GFI1: variants seen among roughly 807,000 people sequenced by gnomAD.
GFI1 encodes the protein growth factor independent 1 transcriptional repressor.
GFI1 carries 15 observed loss-of-function variants against 39.2 expected under a neutral mutation model. That is an observed-to-expected ratio of 0.38 (90% CI 0.26 to 0.59). The LOEUF (loss-of-function observed/expected upper bound fraction) is 0.59, where lower values mean the gene tolerates loss of function less well. GFI1 is among the 20% of genes least tolerant of loss of function. GFI1 has a pLI of 0.62. For missense variants in GFI1, 475 were observed against 574.0 expected (o/e 0.83, Z 1.76); for synonymous variants, 239 against 254.3 (o/e 0.94, Z 0.57).
At position 92,473,107 on chromosome 1, in the gene GFI1, ATT is replaced by A. The variant is rs1657804019; in HGVS notation, c.*2920_*2921del. 6.6e-6 allele frequency among the ~76,000 whole-genome samples: 1 copy of A among 151,628 alleles called. No individual in the cohort carries two copies. Among genetic ancestry groups the A allele is most frequent in the Admixed American group, 6.6e-5 (1 of 15,194 alleles). ...TAAGAGAGATATTTGCAATCTTCAA[ATT>A]TCACACGGTAACAGGCACAGTAATT... is the stretch of plus-strand genomic sequence containing the variant. On this transcript the variant is annotated 3_prime_UTR_variant, in exon 7 of 7. Transcript: ENST00000294702.
Position 92,483,190 on chromosome 1 carries a change from A to C in GFI1, c.116-144T>G, listed in dbSNP as rs1290455933. On this transcript the variant is annotated intron_variant, in intron 2 of 6. Coordinates refer to ENST00000294702, the MANE Select transcript of GFI1 (RefSeq NM_005263.5). ...CCGGCCGGGAACCCTCTCGGATCCG[A>C]GGGCAGGCGCAGAGAGGCCATGGCA... The C allele has an allele frequency of 3.9e-5, 33 of 835,938 alleles. No homozygotes were observed. In the East Asian group the frequency reaches 8.5e-4, roughly 22 times the overall value. The allele number at this position is 835,938 out of a possible 1,614,324, so 51.8% of individuals were successfully genotyped here. A position where few individuals can be genotyped will look rare whatever the true frequency, so the allele number is the denominator to read the frequency against.
intron 1 of GFI1, among the ~76,000 whole-genome samples, chr1:92,485,426 C>G (rs1436616972): frequency 1.3e-5 from 2 of 152,236 alleles, no homozygotes; most frequent in African/African-American, 4.8e-5. Flanking sequence ...ACTGTCAGCG[C>G]CGGAGCTGGG....
At chr1:92,478,976 G>A (rs1001017647) in intron 5 of GFI1, among the ~76,000 whole-genome samples, 2 of 151,972 alleles carry the variant, frequency 1.3e-5, no homozygotes, top group African/African-American at 2.4e-5. Flanking sequence ...AGCAATTCTC[G>A]TGTCTCAGCC....
Position 92,484,051 on chromosome 1 carries a change from C to T in GFI1, c.-99-465G>A. The T allele has an allele frequency of 5.2e-6, 1 of 191,388 alleles. No homozygotes were observed. The highest frequency in any genetic ancestry group is 1.1e-5 in the Non-Finnish European group (1 of 90,966). The allele number at this position is 191,388 out of a possible 1,614,324, so 11.9% of individuals were successfully genotyped here. ...CGGGGATGCCCAGTGGTCGAGGACC[C>T]GGAAGGGGCAAGGAGCCAAGACCTC... On this transcript the variant is annotated intron_variant, in intron 1 of 6. Coordinates refer to ENST00000294702, the MANE Select transcript of GFI1 (RefSeq NM_005263.5). The surrounding 1 kb of genome is among the most constrained non-coding windows in gnomAD (Gnocchi z 4.1).
In GFI1 at chr1:92,480,435, G is replaced by T; in HGVS notation, c.837C>A (p.Ser279Arg). ...GLEVHVRRSH[S>R]GTRPFACEMC... ...TCTCGCAGGCAAAGGGTCTGGTACC[G>T]CTGTGGGACCTGCGCACGTGCACCT... Residue 279 changes from serine to arginine, a missense_variant, in exon 5 of 7, where the codon AGC becomes AGA. Ser to Arg is a moderately radical substitution (Grantham distance 110). This residue lies in a region of GFI1 where 112 missense variants were observed against 202.8 expected (regional missense o/e 0.55). Coordinates refer to ENST00000294702, the MANE Select transcript of GFI1 (RefSeq NM_005263.5). The surrounding 1 kb of genome is among the most constrained non-coding windows in gnomAD (Gnocchi z 5.6). 1 of 1,550,382 alleles carries T rather than the reference G, an allele frequency of 6.5e-7. No individual in the cohort carries two copies. The highest frequency in any genetic ancestry group is 8.7e-7 in the Non-Finnish European group (1 of 1,146,628).
Position 92,484,051 on chromosome 1 carries a change from C to A in GFI1, c.-99-465G>T. ...CGGGGATGCCCAGTGGTCGAGGACC[C>A]GGAAGGGGCAAGGAGCCAAGACCTC... On this transcript the variant is annotated intron_variant, in intron 1 of 6. Transcript: ENST00000294702. The surrounding 1 kb of genome is among the most constrained non-coding windows in gnomAD (Gnocchi z 4.1). The A allele has an allele frequency of 5.2e-6, 1 of 191,388 alleles. No homozygotes were observed. Among genetic ancestry groups the A allele is most frequent in the African/African-American group, 2.3e-5 (1 of 42,696 alleles). The allele number at this position is 191,388 out of a possible 1,614,324, so 11.9% of individuals were successfully genotyped here. A position where few individuals can be genotyped will look rare whatever the true frequency, so the allele number is the denominator to read the frequency against.
In GFI1 at chr1:92,482,015, G is replaced by C. The variant is rs1266420816; in HGVS notation, c.298+849C>G. 2.0e-5 allele frequency among the ~76,000 whole-genome samples: 3 copies of C among 151,470 alleles called. No homozygotes were observed. The highest frequency in any genetic ancestry group is 6.6e-5 in the Admixed American group (1 of 15,218). ...AGAGGCTGTACCCGGAGTTTCGTTC[G>C]GAGGGGTTCGGGGCGCGCCCAATCC... On this transcript the variant is annotated intron_variant, in intron 3 of 6. Coordinates refer to ENST00000294702, the MANE Select transcript of GFI1 (RefSeq NM_005263.5). The surrounding 1 kb of genome is among the most constrained non-coding windows in gnomAD (Gnocchi z 4.4).
rs575402799 is a variant in GFI1, at chr1:92,473,886, C to T, written c.*2143G>A. Reference sequence around the variant, plus strand: ...ATTCAACAATGAATAAATAAAGCTTCGTAAGACATTGTCCTCACTGCTATA... The same window carrying T: ...ATTCAACAATGAATAAATAAAGCTTTGTAAGACATTGTCCTCACTGCTATA... On this transcript the variant is annotated 3_prime_UTR_variant, in exon 7 of 7. Transcript: ENST00000294702. Among the ~76,000 whole-genome samples, 7 of 152,340 alleles carry T rather than the reference C, an allele frequency of 4.6e-5. No homozygotes were observed. Among genetic ancestry groups the T allele is most frequent in the South Asian group, 4.1e-4 (2 of 4,826 alleles).
At chr1:92,478,087 G>A (rs886542421) in intron 6 of GFI1, among the ~76,000 whole-genome samples, 3 of 152,148 alleles carry the variant, frequency 2.0e-5, no homozygotes, top group East Asian at 3.8e-4. Context: ...TTTAAAAAAT[G>A]CTTAGCAGAG....
In GFI1 at chr1:92,482,350, G is replaced by C. The variant is rs928857123; in HGVS notation, c.298+514C>G. 6.6e-6 allele frequency among the ~76,000 whole-genome samples: 1 copy of C among 151,958 alleles called. No homozygotes were observed. Among genetic ancestry groups the C allele is most frequent in the African/African-American group, 2.4e-5 (1 of 41,360 alleles). On this transcript the variant is annotated intron_variant, in intron 3 of 6. Coordinates refer to ENST00000294702, the MANE Select transcript of GFI1 (RefSeq NM_005263.5). The surrounding 1 kb of genome is among the most constrained non-coding windows in gnomAD (Gnocchi z 4.4). ...CAGGCCCCTGAGGCTAGGTTAACCC[G>C]GCAAAACGAAAAATGAAACAGGCCC...
At position 92,475,943 on chromosome 1, in the gene GFI1, AGGCAAGCAGGGAGCAGAGTGGT is replaced by A. The variant is rs879623796; in HGVS notation, c.*64_*85del. 2.7e-5 allele frequency: 34 copies of A among 1,282,116 alleles called. No homozygotes were observed. Among genetic ancestry groups the A allele is most frequent in the African/African-American group, 7.3e-5 (5 of 68,800 alleles). The allele number at this position is 1,282,116 out of a possible 1,614,324, so 79.4% of individuals were successfully genotyped here. ...GGTCTGGAAAGTCAGAAGGGAGTGG[AGGCAAGCAGGGAGCAGAGTGGT>A]GGCAAGCAGGGAGGCTGCCCTCTGT... On this transcript the variant is annotated 3_prime_UTR_variant, in exon 7 of 7. Transcript: ENST00000294702.
At chr1:92,478,479 A>T in intron 6 of GFI1, 109 bp downstream of exon 6, 1 of 915,662 alleles carries the variant, frequency 1.1e-6, no homozygotes, top group Non-Finnish European at 1.8e-6. Context: ...GCAGAGAATA[A>T]CTCCATCAGA....
intron 5 of GFI1, among the ~76,000 whole-genome samples, chr1:92,479,673 G>A (rs1435887634): frequency 6.6e-6 from 1 of 152,106 alleles, no homozygotes; most frequent in Non-Finnish European, 1.5e-5. Context: ...CTAACGTGGC[G>A]AAATCCCGTC....
At position 92,483,477 on chromosome 1, in the gene GFI1, G is replaced by A. The variant is rs746474854; in HGVS notation, c.11C>T (p.Ser4Leu). The change falls in exon 2 of 7, where the codon TCA (serine) becomes TTA (leucine). Residue 4 changes from serine (S) to leucine (L), a missense_variant. Physicochemically the swap from Ser to Leu is moderately radical, Grantham distance 145. Transcript: ENST00000294702. ...AGCCTTCTTGCTTTTGACGAGAAAT[G>A]AGCGCGGCATGGTGGTCCGGCACTT... MPR[S>L]FLVKSKKAHS... 3.7e-6 allele frequency: 6 copies of A among 1,606,042 alleles called. No individual in the cohort carries two copies. Among genetic ancestry groups the A allele is most frequent in the Non-Finnish European group, 1.7e-6 (2 of 1,173,474 alleles).
At position 92,476,171 on chromosome 1, in the gene GFI1, G is replaced by T; in HGVS notation, c.1127C>A (p.Ala376Glu). 2 of 1,613,862 alleles carry T rather than the reference G, an allele frequency of 1.2e-6. No homozygotes were observed. The highest frequency in any genetic ancestry group is 8.5e-7 in the Non-Finnish European group (1 of 1,179,904). ...KPHKCQVCGKAFSQSSNLITH... is the reference protein window; with the variant it reads ...KPHKCQVCGKEFSQSSNLITH... ...GATGAGGTTGGAGCTCTGGCTGAAT[G>T]CCTTGCCGCACACCTGGCACTTGTG... is the stretch of plus-strand genomic sequence containing the variant. The change falls in exon 7 of 7, where the codon GCA (alanine) becomes GAA (glutamate). Residue 376 changes from alanine (A) to glutamate (E), a missense_variant. Physicochemically the swap from Ala to Glu is moderately radical, Grantham distance 107. This residue lies in a region of GFI1 where 112 missense variants were observed against 202.8 expected (regional missense o/e 0.55). Transcript: ENST00000294702.
rs1424809866 is a variant in GFI1 at position 92,480,982 on chromosome 1, C to T, written c.405G>A (p.Leu135=). The T allele has an allele frequency of 6.2e-7, 1 of 1,605,850 alleles. No individual in the cohort carries two copies. The highest frequency in any genetic ancestry group is 8.5e-7 in the Non-Finnish European group (1 of 1,176,854). ...CCCCACACGGTCGGTAGCTCTGCACCAGGTGCCGCAGGTCAGAACCCGCCA... is the reference window on the plus strand; with the variant it reads ...CCCCACACGGTCGGTAGCTCTGCACTAGGTGCCGCAGGTCAGAACCCGCCA... ...SGLAGSDLRH[L]VQSYRPCGAL... Residue 135 remains leucine, a synonymous_variant, in exon 4 of 7, where the codon CTG becomes CTA. Transcript: ENST00000294702. This position sits in a 1 kb window ranked among gnomAD's most constrained non-coding sequence, Gnocchi z 5.6.
chr1:92,480,384 C>A lies in GFI1; in HGVS notation c.888G>T (p.Ala296=). The change falls in exon 5 of 7, where the codon GCG becomes GCT. Residue 296 remains alanine, a synonymous_variant. Coordinates refer to ENST00000294702, the MANE Select transcript of GFI1 (RefSeq NM_005263.5). This position sits in a 1 kb window ranked among gnomAD's most constrained non-coding sequence, Gnocchi z 5.6. The part of the protein sequence containing the change: ...CEMCGKTFGH[A]VSLEQHKAVH... ...CGGCTTTGTGCTGCTCCAGGCTCACCGCGTGCCCGAAGGTCTTGCCGCACA... is the reference window on the plus strand; with the variant it reads ...CGGCTTTGTGCTGCTCCAGGCTCACAGCGTGCCCGAAGGTCTTGCCGCACA... The A allele has an allele frequency of 6.5e-7, 1 of 1,550,260 alleles. No homozygotes were observed. The highest frequency in any genetic ancestry group is 8.7e-7 in the Non-Finnish European group (1 of 1,146,670).
chr1:92,477,889 A>G (rs956383316), intron 6 of GFI1, among the ~76,000 whole-genome samples: 1 of 152,222 alleles, frequency 6.6e-6, no homozygotes, highest in African/African-American at 2.4e-5. Flanking sequence ...TGAACATAAA[A>G]TACAATAAAC....
rs539666107 is a variant in GFI1 at position 92,473,684 on chromosome 1, G to A, written c.*2345C>T. ...TTCCTGCCAACCTGGAGAGAAAGTC[G>A]TGTGGATTCTATTTGTTTCCCAGGC... On this transcript the variant is annotated 3_prime_UTR_variant, in exon 7 of 7. Coordinates refer to ENST00000294702, the MANE Select transcript of GFI1 (RefSeq NM_005263.5). Among the ~76,000 whole-genome samples, 5 of 152,278 alleles carry A rather than the reference G, an allele frequency of 3.3e-5. No homozygotes were observed. The highest frequency in any genetic ancestry group is 3.9e-4 in the East Asian group (2 of 5,182).
Sources: allele counts gnomAD v4.1 joint callset (sites outside exome capture counted in the v4.1 genomes callset), GRCh38; gene constraint gnomAD v4.1.1; regional missense constraint gnomAD v4.1.1; non-coding constraint Gnocchi (gnomAD v3.1); transcripts MANE v1.5; gene names NCBI Gene and HGNC (gene_info 2026-07-23, HGNC 2026-07-21).